Variants in CDCA7 observed in about 807,000 individuals in gnomAD.
CDCA7 encodes the protein cell division cycle associated 7, also known as cell division cycle-associated protein 7.
A neutral mutation model predicts 54.0 loss-of-function variants in CDCA7; 28 were observed. The observed-to-expected ratio is 0.52, with a 90% CI of 0.38 to 0.71. CDCA7 has a LOEUF of 0.71. CDCA7 is among the 30% of genes least tolerant of loss of function. The pLI, the probability that CDCA7 is intolerant of heterozygous loss-of-function variation, is 0.00. For missense variants in CDCA7, 484 were observed against 586.0 expected, an observed-to-expected ratio of 0.83 and a Z score of 1.80; for synonymous variants, 180 against 208.2, an observed-to-expected ratio of 0.86 and a Z score of 1.16.
chr2:173,354,921 G>A lies in CDCA7; in HGVS notation c.-43G>A, dbSNP rs13390867. On this transcript the variant is annotated 5_prime_UTR_variant, in exon 1 of 10. Coordinates refer to ENST00000306721, the MANE Select transcript of CDCA7 (RefSeq NM_031942.5). ...GGACCGCTGACCGCGCGGCTGCTCC[G>A]CTCTCCCCGCTCCAAGCGCCGATCT... 3.4e-6 allele frequency: 5 copies of A among 1,457,128 alleles called. No individual in the cohort carries two copies. The highest frequency in any genetic ancestry group is 3.1e-5 in the East Asian group (1 of 32,376). 90.3% of individuals were successfully genotyped at this position (1,457,128 alleles called of 1,614,324 possible). A position where few individuals can be genotyped will look rare whatever the true frequency, so the allele number is the denominator to read the frequency against.
At chr2:173,361,745 C>T (rs866904641) in intron 3 of CDCA7, among the ~76,000 whole-genome samples, 1 of 152,140 alleles carries the variant, frequency 6.6e-6, no homozygotes, top group Non-Finnish European at 1.5e-5. Flanking sequence ...AGCCACCATA[C>T]CCAGCCTTCT....
At chr2:173,367,340 C>CT in intron 9 of CDCA7, 54 bp downstream of exon 9, 1 of 1,606,518 alleles carries the variant, frequency 6.2e-7, no homozygotes, top group Non-Finnish European at 8.5e-7. Flanking sequence ...TCATTTATGT[C>CT]TTAATGAGAA....
chr2:173,355,014 C>T, intron 1 of CDCA7, 30 bp downstream of exon 1: 2 of 1,367,460 alleles, frequency 1.5e-6, no homozygotes, highest in South Asian at 1.8e-5. Flanking sequence ...ACCCGAGGGG[C>T]GGGCGCGGTG....
rs772127382 is a variant in CDCA7, at chr2:173,367,799, T to C, written c.*135T>C. On this transcript the variant is annotated 3_prime_UTR_variant, in exon 10 of 10. Coordinates refer to ENST00000306721, the MANE Select transcript of CDCA7 (RefSeq NM_031942.5). ...TAAGAAACTCCAATCAAGTTAATCT[T>C]AGCAGACATGTGTTTCTGGAGCATC... 14 of 949,904 alleles carry C rather than the reference T, an allele frequency of 1.5e-5. No individual in the cohort carries two copies. Among genetic ancestry groups the C allele is most frequent in the Admixed American group, 1.9e-5 (1 of 53,014 alleles). 58.8% of individuals were successfully genotyped at this position (949,904 alleles called of 1,614,324 possible). A position where few individuals can be genotyped will look rare whatever the true frequency, so the allele number is the denominator to read the frequency against.
rs1413101746 is a variant in CDCA7, at chr2:173,365,457, T to C, written c.900T>C (p.Asp300=). 1.2e-6 allele frequency: 2 copies of C among 1,610,340 alleles called. No homozygotes were observed. Among genetic ancestry groups the C allele is most frequent in the Non-Finnish European group, 8.5e-7 (1 of 1,178,604 alleles). Reference sequence around the variant, plus strand: ...TTGTATTCCTTGTAATGCAGGAAGATGACCTGCCCAGAAGCCGTCGCTCCA... The same window carrying C: ...TTGTATTCCTTGTAATGCAGGAAGACGACCTGCCCAGAAGCCGTCGCTCCA... ...RKTVDGYMNE[D]DLPRSRRSRS... Residue 300 remains aspartate (D), a synonymous_variant, in exon 7 of 10, where the codon GAT becomes GAC. Transcript: ENST00000306721.
Position 173,367,654 on chromosome 2 carries a change from T to C in CDCA7, c.1343T>C (p.Met448Thr), listed in dbSNP as rs1291206753. ...CACAGCCTGAAACAGGAATTTGAAA[T>C]GCAAGCATAATATCTGGAAAATTTG... ...YLKSLKQEFE[M>T]QA is the part of the protein sequence containing the mutation. The change falls in exon 10 of 10, where the codon ATG becomes ACG. Residue 448 changes from methionine (M) to threonine (T), a missense_variant. This residue lies in a region of CDCA7 where 83 missense variants were observed against 122.3 expected (regional missense o/e 0.68). Coordinates refer to ENST00000306721, the MANE Select transcript of CDCA7 (RefSeq NM_031942.5). 3.7e-6 allele frequency: 6 copies of C among 1,614,102 alleles called. No homozygotes were observed. Among genetic ancestry groups the C allele is most frequent in the Non-Finnish European group, 5.1e-6 (6 of 1,180,034 alleles).
Position 173,366,238 on chromosome 2 carries a change from A to C in CDCA7, c.1036-45A>C. ...TAAATATGCCATTTCCTCTGTTGAAAAACAGTGGTTTTTTTTGTTTTTTTT... is the reference window on the plus strand; with the variant it reads ...TAAATATGCCATTTCCTCTGTTGAACAACAGTGGTTTTTTTTGTTTTTTTT... On this transcript the variant is annotated intron_variant, in intron 7 of 9. Coordinates refer to ENST00000306721, the MANE Select transcript of CDCA7 (RefSeq NM_031942.5). The surrounding 1 kb of genome is among the most constrained non-coding windows in gnomAD (Gnocchi z 4.5). 1.3e-6 allele frequency: 2 copies of C among 1,553,834 alleles called. No homozygotes were observed. Among genetic ancestry groups the C allele is most frequent in the Non-Finnish European group, 1.7e-6 (2 of 1,156,516 alleles).
rs1323930366 is a variant in CDCA7, at chr2:173,368,347, C to G, written c.*683C>G. The G allele has an allele frequency of 6.6e-6, 1 of 152,188 alleles. No homozygotes were observed. Among genetic ancestry groups the G allele is most frequent in the Non-Finnish European group, 1.5e-5 (1 of 68,048 alleles). The allele number at this position is 152,188 out of a possible 1,614,324, so 9.4% of individuals were successfully genotyped here. A position where few individuals can be genotyped will look rare whatever the true frequency, so the allele number is the denominator to read the frequency against. ...TCAAAGGTTGGTGGGCAATGTAATA[C>G]TTAATTAAAATAATGATGGAAGAGC... On this transcript the variant is annotated 3_prime_UTR_variant, in exon 10 of 10. Transcript: ENST00000306721.
rs57023177 is a variant in CDCA7 at position 173,365,428 on chromosome 2, T to A, written c.895-24T>A. 4,099 of 1,573,096 alleles carry A rather than the reference T, an allele frequency of 2.6e-3. 86 individuals are homozygous for A. The African/African-American group carries it at 0.046, about 18-fold the overall frequency. ...TCAGTTTTTCAGTTTTGAAGTTCTGTGTTTTGTATTCCTTGTAATGCAGGA... is the reference window on the plus strand; with the variant it reads ...TCAGTTTTTCAGTTTTGAAGTTCTGAGTTTTGTATTCCTTGTAATGCAGGA... On this transcript the variant is annotated intron_variant, in intron 6 of 9. Coordinates refer to ENST00000306721, the MANE Select transcript of CDCA7 (RefSeq NM_031942.5).
At position 173,367,868 on chromosome 2, in the gene CDCA7, C is replaced by A. The variant is rs1464391590; in HGVS notation, c.*204C>A. On this transcript the variant is annotated 3_prime_UTR_variant, in exon 10 of 10. Transcript: ENST00000306721. ...GTTACACTTTGCCCTCCTGCAGTTT[C>A]TTCTCTGCTCCCAACCCCCATCTCA... The A allele has an allele frequency of 3.3e-6, 2 of 607,652 alleles. No homozygotes were observed. The highest frequency in any genetic ancestry group is 5.8e-6 in the Non-Finnish European group (2 of 342,964). 37.6% of individuals were successfully genotyped at this position (607,652 alleles called of 1,614,324 possible). A position where few individuals can be genotyped will look rare whatever the true frequency, so the allele number is the denominator to read the frequency against.
intron 2 of CDCA7, 109 bp downstream of exon 2, chr2:173,358,946 C>A: frequency 1.4e-6 from 2 of 1,427,194 alleles, no homozygotes; most frequent in Non-Finnish European, 1.9e-6. Context: ...TTCTATACAG[C>A]CGTTATGAAA....
At position 173,368,034 on chromosome 2, in the gene CDCA7, T is replaced by C. The variant is rs1686755784; in HGVS notation, c.*370T>C. Reference sequence around the variant, plus strand: ...AAAACCTAAGCACTTGGAAACACAATAATAGTATTAACTAACTAGATCTAT... The same window carrying C: ...AAAACCTAAGCACTTGGAAACACAACAATAGTATTAACTAACTAGATCTAT... On this transcript the variant is annotated 3_prime_UTR_variant, in exon 10 of 10. Transcript: ENST00000306721. 1 of 254,140 alleles carries C rather than the reference T, an allele frequency of 3.9e-6. No homozygotes were observed. The highest frequency in any genetic ancestry group is 7.3e-5 in the South Asian group (1 of 13,750). The allele number at this position is 254,140 out of a possible 1,614,324, so 15.7% of individuals were successfully genotyped here. A position where few individuals can be genotyped will look rare whatever the true frequency, so the allele number is the denominator to read the frequency against.
In CDCA7 at chr2:173,367,208, A is replaced by T; in HGVS notation, c.1244A>T (p.Asp415Val). The change falls in exon 9 of 10, where the codon GAT (aspartate) becomes GTT (valine). Residue 415 changes from aspartate to valine, a missense_variant. Asp to Val is a radical substitution (Grantham distance 152, BLOSUM62 -3). This residue lies in a region of CDCA7 where 83 missense variants were observed against 122.3 expected (regional missense o/e 0.68). Transcript: ENST00000306721. ...ICNCSFCRQR[D>V]GRCATGVLVY... ...AACTGCAGTTTCTGCCGGCAGCGAG[A>T]TGGACGGTGTGCGACTGGGGTCCTT... is the stretch of plus-strand genomic sequence containing the variant. 6.2e-7 allele frequency: 1 copy of T among 1,611,108 alleles called. No individual in the cohort carries two copies. The highest frequency in any genetic ancestry group is 8.5e-7 in the Non-Finnish European group (1 of 1,179,180).
At chr2:173,356,580 G>A (rs1056954027) in intron 1 of CDCA7, among the ~76,000 whole-genome samples, 2 of 152,100 alleles carry the variant, frequency 1.3e-5, no homozygotes, top group East Asian at 1.9e-4. Context: ...GCACAGTCAC[G>A]GCTCACTGCA....
At chr2:173,355,904 C>T (rs983166662) in intron 1 of CDCA7, among the ~76,000 whole-genome samples, 1 of 152,048 alleles carries the variant, frequency 6.6e-6, no homozygotes, top group Non-Finnish European at 1.5e-5. Flanking sequence ...AGTCGCCGCC[C>T]CGGTGGAGCT....
intron 1 of CDCA7, among the ~76,000 whole-genome samples, chr2:173,358,178 C>T (rs577413746): frequency 1.4e-3 from 196 of 139,482 alleles, no homozygotes; most frequent in Non-Finnish European, 2.3e-3. Context: ...CCAGCCTGGG[C>T]GACACAGCGA....
At chr2:173,365,224 A>G (rs530098983) in intron 6 of CDCA7, among the ~76,000 whole-genome samples, 79 of 152,330 alleles carry the variant, frequency 5.2e-4, no homozygotes, top group Non-Finnish European at 8.2e-4. Flanking sequence ...CAAAATGTCC[A>G]GTTAGGCTAC....
Position 173,365,449 on chromosome 2 carries a change from C to T in CDCA7, c.895-3C>T. ...TCTGTGTTTTGTATTCCTTGTAATG[C>T]AGGAAGATGACCTGCCCAGAAGCCG... is the stretch of plus-strand genomic sequence containing the variant. On this transcript the variant is annotated splice_polypyrimidine_tract_variant and splice_region_variant and intron_variant, in intron 6 of 9. Transcript: ENST00000306721. 1.9e-6 allele frequency: 3 copies of T among 1,606,892 alleles called. No homozygotes were observed. Among genetic ancestry groups the T allele is most frequent in the Non-Finnish European group, 2.5e-6 (3 of 1,177,230 alleles).
In CDCA7 at chr2:173,358,803, G is replaced by T. The variant is rs140240952; in HGVS notation, c.113G>T (p.Cys38Phe). ...METSSSSDDS[C>F]DSFASDNFAN... The stretch of plus-strand genomic sequence containing the variant: ...ACCTCGTCATCCTCTGATGACAGTT[G>T]TGACAGCTTTGCTTCTGATAATTTT... Residue 38 changes from cysteine (C) to phenylalanine (F), a missense_variant, in exon 2 of 10, where the codon TGT (cysteine) becomes TTT (phenylalanine). Cys to Phe is a radical substitution (Grantham distance 205). Transcript: ENST00000306721. 1 of 1,613,896 alleles carries T rather than the reference G, an allele frequency of 6.2e-7. No individual in the cohort carries two copies. The highest frequency in any genetic ancestry group is 1.1e-5 in the South Asian group (1 of 91,020).
Sources: gnomAD v4.1 joint callset for allele counts (sites outside exome capture counted in the v4.1 genomes callset) on GRCh38, gnomAD v4.1.1 for gene constraint, gnomAD v4.1.1 regional missense constraint, Gnocchi (gnomAD v3.1) non-coding constraint, MANE v1.5 for transcripts, NCBI Gene and HGNC (gene_info 2026-07-23, HGNC 2026-07-21) for gene names.